ANKRD17: variants seen among roughly 807,000 people sequenced by gnomAD.
ANKRD17 encodes ankyrin repeat domain 17.
ANKRD17 carries 19 observed loss-of-function variants against 229.7 expected under a neutral mutation model. That is an observed-to-expected ratio of 0.08 (90% CI 0.06 to 0.12). The LOEUF (loss-of-function observed/expected upper bound fraction) is 0.12. Ranked by LOEUF, ANKRD17 falls within the 10% of genes least tolerant of loss-of-function variation. ANKRD17 has a pLI of 1.00. For synonymous variants in ANKRD17, 1,112 were observed against 1,146.1 expected (o/e 0.97, Z 0.60); for missense variants, 2,176 against 3,176.8 (o/e 0.68, Z 7.57).
intron 1 of ANKRD17, among the ~76,000 whole-genome samples, chr4:73,257,594 G>A (rs1745570800): frequency 6.6e-6 from 1 of 152,064 alleles, no homozygotes; most frequent in South Asian, 2.1e-4. Context: ...AAATGTATAT[G>A]GTCATTTGTA....
chr4:73,088,883 T>TCA, intron 29 of ANKRD17, among the ~76,000 whole-genome samples: 1 of 152,248 alleles, frequency 6.6e-6, no homozygotes, highest in East Asian at 1.9e-4. Flanking sequence ...GCTTTGCAGG[T>TCA]CACATGGTCT....
chr4:73,097,433 C>T (rs970731910), intron 26 of ANKRD17, among the ~76,000 whole-genome samples, 161 bp from the exon 27 acceptor site: 1 of 139,330 alleles, frequency 7.2e-6, no homozygotes, highest in African/African-American at 3.1e-5. Flanking sequence ...ATATAGAGAG[C>T]CTTTTTTTTT....
chr4:73,177,072 T>C (rs1269210607), intron 2 of ANKRD17, among the ~76,000 whole-genome samples: 1 of 152,174 alleles, frequency 6.6e-6, no homozygotes, highest in African/African-American at 2.4e-5. Context: ...CTAGTACTGA[T>C]TTTGAAGTTA....
At chr4:73,230,323 AT>A (rs1005354796) in intron 1 of ANKRD17, among the ~76,000 whole-genome samples, 8 of 150,154 alleles carry the variant, frequency 5.3e-5, no homozygotes, top group Admixed American at 6.7e-5. Context: ...ATAATTAAAG[AT>A]TTTTTTTTTG....
At chr4:73,209,829 C>T (rs571935903) in intron 1 of ANKRD17, among the ~76,000 whole-genome samples, 99 of 152,152 alleles carry the variant, frequency 6.5e-4, no homozygotes, top group Middle Eastern at 6.8e-3. Context: ...AATAACAGAA[C>T]AGTGGAAAAT....
Position 73,098,077 on chromosome 4 carries a change from T to C in ANKRD17, c.5017A>G (p.Ile1673Val), listed in dbSNP as rs758210107. The change falls in exon 26 of 34, where the codon ATA (isoleucine) becomes GTA (valine). Residue 1673 changes from isoleucine (I) to valine (V), a missense_variant. Ile to Val is a conservative substitution (Grantham distance 29). Around this residue, in one of 18 missense-constraint regions of ANKRD17, gnomAD observed 98 missense variants for 101.0 expected, o/e 0.97. Coordinates refer to ENST00000358602, the MANE Select transcript of ANKRD17 (RefSeq NM_032217.5). ...ERKSVSGKAS[I>V]KLSETISEGT... Reference sequence around the variant, plus strand: ...AAAATAAAAATTGGAACTAACTTTATTGAAGCCTTGCCAGAAACAGATTTT... The same window carrying C: ...AAAATAAAAATTGGAACTAACTTTACTGAAGCCTTGCCAGAAACAGATTTT... The C allele has an allele frequency of 2.5e-6, 4 of 1,594,286 alleles. No homozygotes were observed. Among genetic ancestry groups the C allele is most frequent in the Middle Eastern group, 1.7e-4 (1 of 5,984 alleles).
rs1187973294 is a variant in ANKRD17 at position 73,258,404 on chromosome 4, T to C, written c.265A>G (p.Ser89Gly). 4 of 1,610,260 alleles carry C rather than the reference T, an allele frequency of 2.5e-6. No homozygotes were observed. The highest frequency in any genetic ancestry group is 3.4e-6 in the Non-Finnish European group (4 of 1,179,250). ...TCRPPSSSESSSDSDNSGGGG... is the reference protein window; with the variant it reads ...TCRPPSSSESGSDSDNSGGGG... ...CCGCCGCTGTTGTCGCTGTCGCTGCTGCTTTCGCTGCTGCTGGGGGGTCGG... is the reference window on the plus strand; with the variant it reads ...CCGCCGCTGTTGTCGCTGTCGCTGCCGCTTTCGCTGCTGCTGGGGGGTCGG... The change falls in exon 1 of 34, where the codon AGC (serine) becomes GGC (glycine). Residue 89 changes from serine to glycine, a missense_variant. Around this residue, in one of 18 missense-constraint regions of ANKRD17, gnomAD observed 196 missense variants for 190.0 expected, o/e 1.03. Transcript: ENST00000358602.
intron 2 of ANKRD17, among the ~76,000 whole-genome samples, chr4:73,172,326 A>C (rs1007649590): frequency 6.6e-6 from 1 of 152,204 alleles, no homozygotes; most frequent in Non-Finnish European, 1.5e-5. Context: ...TGGCAAATAT[A>C]TCCCTTAAAC....
intron 1 of ANKRD17, among the ~76,000 whole-genome samples, chr4:73,195,285 T>C (rs1433082504): frequency 6.6e-6 from 1 of 152,192 alleles, no homozygotes; most frequent in African/African-American, 2.4e-5. Context: ...TATTAGGATT[T>C]TTTATCTATG....
At chr4:73,097,957 G>C in intron 26 of ANKRD17, 116 bp downstream of exon 26, 1 of 905,146 alleles carries the variant, frequency 1.1e-6, no homozygotes, top group East Asian at 2.6e-5. Flanking sequence ...ACCTTCTTTA[G>C]CACAAAGAAA....
intron 30 of ANKRD17, among the ~76,000 whole-genome samples, chr4:73,079,758 G>A (rs768580341): frequency 6.6e-6 from 1 of 152,120 alleles, no homozygotes; most frequent in Non-Finnish European, 1.5e-5. Context: ...ATTCATTAGT[G>A]ATTCAATCTC....
chr4:73,251,761 CAGATA>C (rs1269072128), intron 1 of ANKRD17, among the ~76,000 whole-genome samples: 1 of 152,048 alleles, frequency 6.6e-6, no homozygotes, highest in Non-Finnish European at 1.5e-5. Flanking sequence ...TATAAAAATT[CAGATA>C]AACTACTGTC....
chr4:73,105,533 A>G (rs1724508868), intron 24 of ANKRD17, among the ~76,000 whole-genome samples: 1 of 152,052 alleles, frequency 6.6e-6, no homozygotes, highest in African/African-American at 2.4e-5. Flanking sequence ...ACACTGGTAA[A>G]CCTCACAAAA....
At chr4:73,086,474 C>T (rs1367489629) in intron 29 of ANKRD17, among the ~76,000 whole-genome samples, 2 of 151,224 alleles carry the variant, frequency 1.3e-5, no homozygotes, top group Non-Finnish European at 2.9e-5. Context: ...GAAATATGTT[C>T]ATTAAAAAAG....
intron 20 of ANKRD17, 100 bp from the exon 21 acceptor site, chr4:73,120,437 T>G: frequency 1.9e-4 from 186 of 984,044 alleles, no homozygotes; most frequent in Non-Finnish European, 2.5e-4. Context: ...GATACAGCTG[T>G]TACCAAGATT....
At chr4:73,156,811 T>C (rs1204129876) in intron 3 of ANKRD17, among the ~76,000 whole-genome samples, 1 of 152,168 alleles carries the variant, frequency 6.6e-6, no homozygotes, top group Non-Finnish European at 1.5e-5. Flanking sequence ...TTAAACCTCT[T>C]TTCTTCATAA....
intron 30 of ANKRD17, among the ~76,000 whole-genome samples, chr4:73,083,887 TGTTA>T (rs1721818929): frequency 6.6e-6 from 1 of 151,744 alleles, no homozygotes; most frequent in Non-Finnish European, 1.5e-5. Context: ...TTAGGTTAAC[TGTTA>T]TTTATTCCAG....
intron 16 of ANKRD17, among the ~76,000 whole-genome samples, chr4:73,125,604 G>A (rs1014388726): frequency 4.6e-5 from 7 of 151,856 alleles, no homozygotes; most frequent in African/African-American, 1.5e-4. Context: ...GTGGTGGTGC[G>A]TGCCTGTAGT....
chr4:73,254,621 A>T (rs997241024), intron 1 of ANKRD17, among the ~76,000 whole-genome samples: 1 of 152,066 alleles, frequency 6.6e-6, no homozygotes, highest in Non-Finnish European at 1.5e-5. Context: ...TACAAAAATT[A>T]GCCAGGCCTG....
Sources: gnomAD v4.1 joint callset for allele counts (sites outside exome capture counted in the v4.1 genomes callset) on GRCh38, gnomAD v4.1.1 for gene constraint, gnomAD v4.1.1 regional missense constraint, MANE v1.5 for transcripts, NCBI Gene and HGNC (gene_info 2026-07-23, HGNC 2026-07-21) for gene names.